Variants in TTLL12 observed in about 807,000 individuals in gnomAD.
TTLL12 encodes tubulin--tyrosine ligase-like protein 12.
A neutral mutation model predicts 79.6 loss-of-function variants in TTLL12; 77 were observed. The ratio of observed to expected loss-of-function variants is 0.97; its 90% CI spans 0.81 to 1.17. The LOEUF (loss-of-function observed/expected upper bound fraction) is 1.17. Ranked by LOEUF, TTLL12 falls within the 50% of genes most tolerant of loss-of-function variation. The probability of loss-of-function intolerance (pLI) is 0.00; values close to 1 mark genes in which losing one functional copy is unlikely to be tolerated. For missense variants in TTLL12, 969 were observed against 895.9 expected (o/e 1.08, Z -1.04); for synonymous variants, 437 against 376.1 (o/e 1.16, Z -1.87).
intron 5 of TTLL12, among the ~76,000 whole-genome samples, chr22:43,179,215 C>T (rs1335712525): frequency 6.6e-6 from 1 of 152,152 alleles, no homozygotes; most frequent in Non-Finnish European, 1.5e-5. Flanking sequence ...ATAACAGTGA[C>T]CATGATGGTA....
rs1009666510 is a variant in TTLL12 at position 43,186,938 on chromosome 22, G to A, written c.132C>T (p.Val44=). 2.9e-6 allele frequency: 4 copies of A among 1,365,758 alleles called. No homozygotes were observed. Among genetic ancestry groups the A allele is most frequent in the Admixed American group, 3.2e-5 (1 of 31,704 alleles). The allele number at this position is 1,365,758 out of a possible 1,614,324, so 84.6% of individuals were successfully genotyped here. ...LHGPALRASG[V]PERYWGRLLH... ...GGAGGCGGCCCCAGTAACGTTCGGG[G>A]ACCCCCGAAGCGCGCAGCGCCGGGC... Residue 44 remains valine (V), a synonymous_variant, in exon 1 of 14, where the codon GTC becomes GTT. Transcript: ENST00000216129.
At position 43,172,473 on chromosome 22, in the gene TTLL12, C is replaced by A. The variant is rs754514158; in HGVS notation, c.1423G>T (p.Val475Leu). 1.2e-6 allele frequency: 2 copies of A among 1,614,040 alleles called. No homozygotes were observed. The highest frequency in any genetic ancestry group is 2.7e-5 in the African/African-American group (2 of 74,908). ...GKVKFDIRYI[V>L]LLRSVRPLRL... ...AGGGGCCTCACTGACCGCAGCAGCA[C>A]GATGTAGCGGATGTCGAACTTGACC... Residue 475 changes from valine (V) to leucine (L), a missense_variant, in exon 10 of 14, where the codon GTG (valine) becomes TTG (leucine). By Grantham distance (32) the Val-to-Leu change is conservative. Transcript: ENST00000216129.
chr22:43,179,568 A>C, intron 5 of TTLL12, 51 bp downstream of exon 5: 1 of 1,509,786 alleles, frequency 6.6e-7, no homozygotes. Context: ...CACAGAGAAC[A>C]TTCTGGAAGC....
chr22:43,174,459 C>A, intron 7 of TTLL12, 40 bp downstream of exon 7: 1 of 1,577,594 alleles, frequency 6.3e-7, no homozygotes, highest in South Asian at 1.1e-5. Context: ...TGCCTAGAAG[C>A]CCTGACTGGG....
In TTLL12 at chr22:43,180,720, C is replaced by T. The variant is rs370865390; in HGVS notation, c.546+22G>A. 106 of 1,610,962 alleles carry T rather than the reference C, an allele frequency of 6.6e-5. 1 individual carries two copies. The African/African-American group carries it at 6.7e-4, about 10-fold the overall frequency. ...TGCCCATGCCTGTCCTCCCCCTCCCCGGGGCCCAGCTACCCACTCACCCCA... is the reference window on the plus strand; with the variant it reads ...TGCCCATGCCTGTCCTCCCCCTCCCTGGGGCCCAGCTACCCACTCACCCCA... On this transcript the variant is annotated intron_variant, in intron 3 of 13. Transcript: ENST00000216129.
Position 43,174,572 on chromosome 22 carries a change from G to T in TTLL12, c.961C>A (p.Pro321Thr). The T allele has an allele frequency of 6.2e-7, 1 of 1,613,340 alleles. No individual in the cohort carries two copies. The highest frequency in any genetic ancestry group is 8.5e-7 in the Non-Finnish European group (1 of 1,179,788). Residue 321 changes from proline to threonine, a missense_variant, in exon 7 of 14, where the codon CCG becomes ACG. Transcript: ENST00000216129. ...TCACTCTGGGTGAGGGTGAAGCGCG[G>T]GTGGGTGAGGCTGCTGGCCACCTGC... Reference protein sequence around the residue: ...VQQVASSLTHPRFTLTQSEAD... With the variant: ...VQQVASSLTHTRFTLTQSEAD...
intron 8 of TTLL12, 89 bp from the exon 9 acceptor site, chr22:43,173,915 C>A: frequency 1.6e-6 from 2 of 1,233,788 alleles, no homozygotes; most frequent in South Asian, 1.3e-5. Flanking sequence ...AAGAGGGCAG[C>A]CCACTTCTCC....
chr22:43,166,993 A>G lies in TTLL12; in HGVS notation c.*1015T>C, dbSNP rs148804083. On this transcript the variant is annotated 3_prime_UTR_variant, in exon 14 of 14. Coordinates refer to ENST00000216129, the MANE Select transcript of TTLL12 (RefSeq NM_015140.4). ...GGGCCCAGGCACACTGCAGCCACAC[A>G]AAAACGCTGGCAGCTGACTCCTAAT... 8.5e-4 allele frequency: 281 copies of G among 329,220 alleles called. 1 individual carries two copies. The highest frequency in any genetic ancestry group is 5.7e-3 in the African/African-American group (263 of 46,332). The allele number at this position is 329,220 out of a possible 1,614,324, so 20.4% of individuals were successfully genotyped here.
chr22:43,171,771 T>C lies in TTLL12; in HGVS notation c.1575+48A>G, dbSNP rs1393771304. The C allele has an allele frequency of 3.9e-6, 6 of 1,553,618 alleles. No homozygotes were observed. In the African/African-American group the frequency reaches 5.4e-5, roughly 14 times the overall value. On this transcript the variant is annotated intron_variant, in intron 11 of 13. Transcript: ENST00000216129. ...AGTGTGGGCGGGGTGGGGTCGGGTG[T>C]GCCCTGGCCTCTGTGTGAACCTGCT...
rs1289342503 is a variant in TTLL12, at chr22:43,169,500, C to A, written c.1644G>T (p.Gln548His). The A allele has an allele frequency of 6.3e-7, 1 of 1,594,298 alleles. No individual in the cohort carries two copies. Among genetic ancestry groups the A allele is most frequent in the African/African-American group, 1.3e-5 (1 of 74,444 alleles). The part of the protein sequence containing the change: ...QYPEFPWTDV[Q>H]AEIFRAFTEL... ...CGATGGTGTGCAGGACAGGAATTAC[C>A]TGGACGTCCGTCCAGGGAAATTCTG... is the stretch of plus-strand genomic sequence containing the variant. Residue 548 changes from glutamine (Q) to histidine (H), a missense_variant and splice_region_variant, in exon 12 of 14, where the codon CAG becomes CAT. Coordinates refer to ENST00000216129, the MANE Select transcript of TTLL12 (RefSeq NM_015140.4).
intron 5 of TTLL12, among the ~76,000 whole-genome samples, chr22:43,176,827 C>T (rs1931928097): frequency 6.6e-6 from 1 of 151,998 alleles, no homozygotes; most frequent in South Asian, 2.1e-4. Context: ...CATGGCTGCT[C>T]CTCCCTCCCA....
At chr22:43,178,815 T>C (rs1259377384) in intron 5 of TTLL12, among the ~76,000 whole-genome samples, 2 of 152,238 alleles carry the variant, frequency 1.3e-5, no homozygotes, top group East Asian at 1.9e-4. Flanking sequence ...TGTGTCTCAA[T>C]GTCCTCATCC....
intron 11 of TTLL12, 183 bp from the exon 12 acceptor site, chr22:43,169,751 T>C: frequency 1.5e-6 from 1 of 683,182 alleles, no homozygotes. Context: ...CTCCAGGTCT[T>C]ACTGTGTGAC....
chr22:43,179,502 C>A (rs764368991), intron 5 of TTLL12, 117 bp downstream of exon 5: 4 of 1,374,172 alleles, frequency 2.9e-6, no homozygotes, highest in South Asian at 3.2e-5. Context: ...ATGCCTCCCA[C>A]GGTAACTGGC....
At chr22:43,172,076 C>T (rs540024431) in intron 10 of TTLL12, among the ~76,000 whole-genome samples, 176 bp from the exon 11 acceptor site, 14 of 152,344 alleles carry the variant, frequency 9.2e-5, no homozygotes, top group African/African-American at 3.1e-4. Context: ...CACAGCCCCA[C>T]TGAGCTGGGG....
At position 43,167,183 on chromosome 22, in the gene TTLL12, A is replaced by C. The variant is rs758022322; in HGVS notation, c.*825T>G. ...TTCTGTCTGGCGCTCCACCGCCCAC[A>C]ATCAGCCCCAGCCCCAGGCGCCCCT... On this transcript the variant is annotated 3_prime_UTR_variant, in exon 14 of 14. Coordinates refer to ENST00000216129, the MANE Select transcript of TTLL12 (RefSeq NM_015140.4). 1.3e-5 allele frequency: 7 copies of C among 531,994 alleles called. No homozygotes were observed. The Admixed American group carries it at 1.4e-4, about 10-fold the overall frequency. 33.0% of individuals were successfully genotyped at this position (531,994 alleles called of 1,614,324 possible).
Position 43,167,654 on chromosome 22 carries a change from A to T in TTLL12, c.*354T>A. 1 of 209,108 alleles carries T rather than the reference A, an allele frequency of 4.8e-6. No individual in the cohort carries two copies. 13.0% of individuals were successfully genotyped at this position (209,108 alleles called of 1,614,324 possible). ...TCTCGCTCCACGGAACCCTTCCCCCAGCACCCCCTGGAAACACAGCAGCCA... is the reference window on the plus strand; with the variant it reads ...TCTCGCTCCACGGAACCCTTCCCCCTGCACCCCCTGGAAACACAGCAGCCA... On this transcript the variant is annotated 3_prime_UTR_variant, in exon 14 of 14. Transcript: ENST00000216129.
At chr22:43,169,909 G>A (rs1055820733) in intron 11 of TTLL12, 2 of 468,490 alleles carry the variant, frequency 4.3e-6, no homozygotes, top group Admixed American at 2.3e-5. Context: ...TGCAGGGCCT[G>A]GGCTGGCACC....
intron 1 of TTLL12, among the ~76,000 whole-genome samples, chr22:43,184,427 T>G (rs1422861345): frequency 6.6e-6 from 1 of 152,182 alleles, no homozygotes; most frequent in African/African-American, 2.4e-5. Flanking sequence ...GAAGACTTTA[T>G]GGATGAGGAA....
Sources: allele counts gnomAD v4.1 joint callset (sites outside exome capture counted in the v4.1 genomes callset), GRCh38; gene constraint gnomAD v4.1.1; transcripts MANE v1.5; gene names NCBI Gene and HGNC (gene_info 2026-07-23, HGNC 2026-07-21).